Variants in FSCN1 observed in about 807,000 individuals in gnomAD.
The protein encoded by FSCN1 is fascin.
A neutral mutation model predicts 39.7 loss-of-function variants in FSCN1; 10 were observed. That is an observed-to-expected ratio of 0.25 (90% CI 0.16 to 0.43). The LOEUF is 0.43. Ranked by LOEUF, FSCN1 falls within the 20% of genes least tolerant of loss-of-function variation. The pLI is 1.00. For missense variants in FSCN1, 525 were observed against 723.8 expected, an observed-to-expected ratio of 0.73 and a Z score of 3.15; for synonymous variants, 322 against 320.0, an observed-to-expected ratio of 1.01 and a Z score of -0.07.
At chr7:5,600,942 C>A (rs1164468468) in intron 1 of FSCN1, among the ~76,000 whole-genome samples, 3 of 132,592 alleles carry the variant, frequency 2.3e-5, no homozygotes, top group African/African-American at 6.0e-5. Flanking sequence ...GCATGAGCCA[C>A]CTTGCCTGGT....
intron 1 of FSCN1, among the ~76,000 whole-genome samples, chr7:5,601,085 G>A (rs918561095): frequency 4.0e-4 from 60 of 151,512 alleles, no homozygotes; most frequent in African/African-American, 1.3e-3. Context: ...CACTGTGCCC[G>A]GCCAGTCCCA....
intron 1 of FSCN1, chr7:5,593,972 A>C (rs1584297214): frequency 1.5e-5 from 8 of 524,286 alleles, no homozygotes; most frequent in African/African-American, 6.6e-5. Flanking sequence ...GCCGCTGCCC[A>C]CCTCCCACCC....
chr7:5,598,976 C>G (rs1296471799), intron 1 of FSCN1, among the ~76,000 whole-genome samples: 3 of 152,180 alleles, frequency 2.0e-5, no homozygotes, highest in Admixed American at 6.5e-5. Flanking sequence ...GCTGGCCTGA[C>G]GGCTCCCTGC....
chr7:5,593,082 A>G lies in FSCN1; in HGVS notation c.146A>G (p.Glu49Gly). The change falls in exon 1 of 5, where the codon GAG becomes GGG. Residue 49 changes from glutamate (E) to glycine (G), a missense_variant. Glu to Gly is a moderately conservative substitution (Grantham distance 98). This residue lies in a region of FSCN1 where 246 missense variants were observed against 350.6 expected (regional missense o/e 0.70). Coordinates refer to ENST00000382361, the MANE Select transcript of FSCN1 (RefSeq NM_003088.4). ...SLKKKQIWTL[E>G]QPPDEAGSAA... Reference sequence around the variant, plus strand: ...AAGAAGAAGCAGATCTGGACGCTGGAGCAGCCCCCTGACGAGGCGGGCAGC... The same window carrying G: ...AAGAAGAAGCAGATCTGGACGCTGGGGCAGCCCCCTGACGAGGCGGGCAGC... 6.2e-7 allele frequency: 1 copy of G among 1,605,890 alleles called. No homozygotes were observed. The highest frequency in any genetic ancestry group is 8.5e-7 in the Non-Finnish European group (1 of 1,177,324).
chr7:5,599,966 T>C lies in FSCN1; in HGVS notation c.833-3291T>C, dbSNP rs1785796920. Among the ~76,000 whole-genome samples, 1 of 152,316 alleles carries C rather than the reference T, an allele frequency of 6.6e-6. No homozygotes were observed. Among genetic ancestry groups the C allele is most frequent in the South Asian group, 2.1e-4 (1 of 4,830 alleles). ...TCTCCAGCTCTGAGCCAGGCACCCATACAGAGCCCGGCAGACGCCTCTGCT... is the reference window on the plus strand; with the variant it reads ...TCTCCAGCTCTGAGCCAGGCACCCACACAGAGCCCGGCAGACGCCTCTGCT... On this transcript the variant is annotated intron_variant, in intron 1 of 4. Transcript: ENST00000382361. The surrounding 1 kb of genome is among the most constrained non-coding windows in gnomAD (Gnocchi z 5.6).
intron 1 of FSCN1, chr7:5,602,873 T>G: frequency 4.5e-6 from 1 of 220,112 alleles, no homozygotes; most frequent in Non-Finnish European, 9.2e-6. Context: ...TTAAAAAAAG[T>G]AATTTGTAGA....
chr7:5,598,693 A>T (rs1785773237), intron 1 of FSCN1, among the ~76,000 whole-genome samples: 1 of 152,072 alleles, frequency 6.6e-6, no homozygotes, highest in Non-Finnish European at 1.5e-5. Flanking sequence ...GGAGCCCCTG[A>T]TGCCCTCTGT....
In FSCN1 at chr7:5,593,992, A is replaced by G. The variant is rs191865456; in HGVS notation, c.832+224A>G. On this transcript the variant is annotated intron_variant, in intron 1 of 4. Coordinates refer to ENST00000382361, the MANE Select transcript of FSCN1 (RefSeq NM_003088.4). ...TGCCCACCTCCCACCCCGGGCTGGGATCATGGGCTCCCCTAGGCCCCGCGG... is the reference window on the plus strand; with the variant it reads ...TGCCCACCTCCCACCCCGGGCTGGGGTCATGGGCTCCCCTAGGCCCCGCGG... 3,032 of 547,164 alleles carry G rather than the reference A, an allele frequency of 5.5e-3. 77 individuals are homozygous for G. In the African/African-American group the frequency reaches 0.058, roughly 10 times the overall value. The allele number at this position is 547,164 out of a possible 1,614,324, so 33.9% of individuals were successfully genotyped here.
chr7:5,594,334 C>T (rs1584297607), intron 1 of FSCN1, among the ~76,000 whole-genome samples: 1 of 152,100 alleles, frequency 6.6e-6, no homozygotes, highest in African/African-American at 2.4e-5. Flanking sequence ...CCTCCTCCCG[C>T]TGCCGGGCGG....
intron 4 of FSCN1, among the ~76,000 whole-genome samples, chr7:5,604,963 G>A (rs1226000696): frequency 4.6e-5 from 7 of 151,892 alleles, no homozygotes; most frequent in Non-Finnish European, 8.8e-5. Flanking sequence ...TAGTAGAGAC[G>A]GAGCTTCACT....
chr7:5,593,784 G>GC lies in FSCN1; in HGVS notation c.832+21dup, dbSNP rs1232882010. 25 of 1,483,676 alleles carry GC rather than the reference G, an allele frequency of 1.7e-5. No individual in the cohort carries two copies. Among genetic ancestry groups the GC allele is most frequent in the Non-Finnish European group, 2.2e-5 (24 of 1,100,432 alleles). 91.9% of individuals were successfully genotyped at this position (1,483,676 alleles called of 1,614,324 possible). On this transcript the variant is annotated intron_variant, in intron 1 of 4. Coordinates refer to ENST00000382361, the MANE Select transcript of FSCN1 (RefSeq NM_003088.4). ...ACGCGCCAGGGTGAGTGGGGACGCT[G>GC]CCCCCGCCTCTCCTGGTCCGTGCAC...
rs1316800034 is a variant in FSCN1, at chr7:5,605,339, G to A, written c.1347G>A (p.Val449=). Reference sequence around the variant, plus strand: ...TCACCAGCAGCGGCGACACTCCTGTGGACTTCTTCTTCGAGTTCTGCGACT... The same window carrying A: ...TCACCAGCAGCGGCGACACTCCTGTAGACTTCTTCTTCGAGTTCTGCGACT... The part of the protein sequence containing the change: ...SAVTSSGDTP[V]DFFFEFCDYN... Residue 449 remains valine (V), a synonymous_variant, in exon 5 of 5, where the codon GTG becomes GTA. Coordinates refer to ENST00000382361, the MANE Select transcript of FSCN1 (RefSeq NM_003088.4). This position sits in a 1 kb window ranked among gnomAD's most constrained non-coding sequence, Gnocchi z 6.9. 6.2e-7 allele frequency: 1 copy of A among 1,613,850 alleles called. No homozygotes were observed. The highest frequency in any genetic ancestry group is 8.5e-7 in the Non-Finnish European group (1 of 1,179,764).
rs781223328 is a variant in FSCN1 at position 5,593,569 on chromosome 7, C to T, written c.633C>T (p.Gly211=). Residue 211 remains glycine, a synonymous_variant, in exon 1 of 5, where the codon GGC becomes GGT. Transcript: ENST00000382361. ...RLVARPEPAT[G]YTLEFRSGKV... ...TGGCGCGCCCCGAGCCGGCCACTGG[C>T]TACACGCTGGAGTTCCGCTCCGGCA... is the stretch of plus-strand genomic sequence containing the variant. 1 of 1,578,818 alleles carries T rather than the reference C, an allele frequency of 6.3e-7. No homozygotes were observed. The highest frequency in any genetic ancestry group is 1.4e-5 in the African/African-American group (1 of 73,968).
chr7:5,606,276 C>G lies in FSCN1; in HGVS notation c.*802C>G, dbSNP rs1785931664. 2 of 152,172 alleles carry G rather than the reference C, an allele frequency of 1.3e-5. No homozygotes were observed. Among genetic ancestry groups the G allele is most frequent in the Admixed American group, 6.5e-5 (1 of 15,286 alleles). The allele number at this position is 152,172 out of a possible 1,614,324, so 9.4% of individuals were successfully genotyped here. A position where few individuals can be genotyped will look rare whatever the true frequency, so the allele number is the denominator to read the frequency against. Reference sequence around the variant, plus strand: ...ATTGCTGGAGGCGTCCCAGGCAAGCCTGGCTGTAGTAGCGAGTGATCTGGC... The same window carrying G: ...ATTGCTGGAGGCGTCCCAGGCAAGCGTGGCTGTAGTAGCGAGTGATCTGGC... On this transcript the variant is annotated 3_prime_UTR_variant, in exon 5 of 5. Transcript: ENST00000382361. This position sits in a 1 kb window ranked among gnomAD's most constrained non-coding sequence, Gnocchi z 5.1.
intron 1 of FSCN1, among the ~76,000 whole-genome samples, chr7:5,598,348 T>C (rs1401617882): frequency 1.3e-5 from 2 of 152,214 alleles, no homozygotes; most frequent in African/African-American, 4.8e-5. Flanking sequence ...TGTGTGGCCC[T>C]GGGCCCAGGA....
chr7:5,603,657 T>A lies in FSCN1; in HGVS notation c.1111+40T>A. On this transcript the variant is annotated intron_variant, in intron 3 of 4. Coordinates refer to ENST00000382361, the MANE Select transcript of FSCN1 (RefSeq NM_003088.4). The surrounding 1 kb of genome is among the most constrained non-coding windows in gnomAD (Gnocchi z 8.5). Reference sequence around the variant, plus strand: ...CCAGTTCCCTGGAGCCGTCCTGGAGTCCTGGAGGGTCTGGCCATGCCGTGG... The same window carrying A: ...CCAGTTCCCTGGAGCCGTCCTGGAGACCTGGAGGGTCTGGCCATGCCGTGG... The A allele has an allele frequency of 6.2e-7, 1 of 1,612,742 alleles. No homozygotes were observed. The highest frequency in any genetic ancestry group is 8.5e-7 in the Non-Finnish European group (1 of 1,179,490).
chr7:5,601,660 A>G (rs1785833607), intron 1 of FSCN1, among the ~76,000 whole-genome samples: 1 of 152,140 alleles, frequency 6.6e-6, no homozygotes, highest in African/African-American at 2.4e-5. Context: ...CAACATAGCC[A>G]GACCCTGTCT....
intron 1 of FSCN1, among the ~76,000 whole-genome samples, chr7:5,600,250 A>G (rs1785801240): frequency 6.6e-6 from 1 of 152,000 alleles, no homozygotes. Context: ...CGTCTCTACT[A>G]AAAATACAAA....
chr7:5,592,816 G>T lies in FSCN1; in HGVS notation c.-121G>T. On this transcript the variant is annotated 5_prime_UTR_variant, in exon 1 of 5. Coordinates refer to ENST00000382361, the MANE Select transcript of FSCN1 (RefSeq NM_003088.4). The surrounding 1 kb of genome is among the most constrained non-coding windows in gnomAD (Gnocchi z 5.3). ...TCCGGGGCGCCGCTAGCTGGGCTTTGTGGAGCGCTGCGGAGGGTGCGTGCG... is the reference window on the plus strand; with the variant it reads ...TCCGGGGCGCCGCTAGCTGGGCTTTTTGGAGCGCTGCGGAGGGTGCGTGCG... 1 of 609,894 alleles carries T rather than the reference G, an allele frequency of 1.6e-6. No individual in the cohort carries two copies. The highest frequency in any genetic ancestry group is 3.1e-5 in the East Asian group (1 of 32,446). The allele number at this position is 609,894 out of a possible 1,614,324, so 37.8% of individuals were successfully genotyped here. A position where few individuals can be genotyped will look rare whatever the true frequency, so the allele number is the denominator to read the frequency against.
Sources: gnomAD v4.1 joint callset for allele counts (sites outside exome capture counted in the v4.1 genomes callset) on GRCh38, gnomAD v4.1.1 for gene constraint, gnomAD v4.1.1 regional missense constraint, Gnocchi (gnomAD v3.1) non-coding constraint, MANE v1.5 for transcripts, NCBI Gene and HGNC (gene_info 2026-07-23, HGNC 2026-07-21) for gene names.